Variants in EPB41L3 observed in about 807,000 individuals in gnomAD.
EPB41L3 encodes the protein band 4.1-like protein 3.
EPB41L3 carries 57 observed loss-of-function variants against 127.1 expected under a neutral mutation model. The ratio of observed to expected loss-of-function variants is 0.45; its 90% CI spans 0.36 to 0.56. EPB41L3 has a LOEUF of 0.56. Among genes scored for constraint, EPB41L3 ranks in the 20% least tolerant of loss-of-function variants. The pLI, the probability that EPB41L3 is intolerant of heterozygous loss-of-function variation, is 0.00. For synonymous variants in EPB41L3, 572 were observed against 549.5 expected (o/e 1.04, Z -0.57); for missense variants, 1,273 against 1,372.2 (o/e 0.93, Z 1.14).
intron 3 of EPB41L3, among the ~76,000 whole-genome samples, chr18:5,596,026 T>C (rs1372552835): frequency 1.3e-5 from 2 of 152,320 alleles, no homozygotes; most frequent in Middle Eastern, 3.4e-3. Flanking sequence ...TAAATTTATT[T>C]GTGTTTAAAC....
chr18:5,581,094 A>G (rs1394296151), intron 3 of EPB41L3, among the ~76,000 whole-genome samples: 1 of 152,224 alleles, frequency 6.6e-6, no homozygotes, highest in Non-Finnish European at 1.5e-5. Flanking sequence ...AGATTTTTCT[A>G]ATTTTCAAAA....
chr18:5,559,832 A>T (rs2094098208), intron 3 of EPB41L3, among the ~76,000 whole-genome samples: 1 of 152,246 alleles, frequency 6.6e-6, no homozygotes, highest in South Asian at 2.1e-4. Flanking sequence ...AATCTTTTTC[A>T]TCTACCACAT....
intron 1 of EPB41L3, among the ~76,000 whole-genome samples, chr18:5,525,305 G>T (rs2093177682): frequency 6.6e-6 from 1 of 152,162 alleles, no homozygotes; most frequent in Non-Finnish European, 1.5e-5. Flanking sequence ...CCCTAGGAAA[G>T]CGCTCACAGA....
intron 6 of EPB41L3, 76 bp downstream of exon 6, chr18:5,437,959 C>A: frequency 1.6e-6 from 2 of 1,257,268 alleles, no homozygotes; most frequent in Non-Finnish European, 2.2e-6. Flanking sequence ...GATGTAAGCA[C>A]GCTCTTTCCG....
rs541512702 is a variant in EPB41L3, at chr18:5,562,262, A to G, written c.-306+50078T>C. On this transcript the variant is annotated intron_variant, in intron 3 of 21. Transcript: ENST00000545076. ...TATATAGGAACTCTGTGCTGAGTTT[A>G]TAACTCCTCTGTATGTCTAAAACTA... 4.3e-4 allele frequency among the ~76,000 whole-genome samples: 66 copies of G among 152,346 alleles called. No individual in the cohort carries two copies. The South Asian group carries it at 0.013, about 29-fold the overall frequency.
At position 5,543,319 on chromosome 18, in the gene EPB41L3, G is replaced by A. The variant is rs975173675; in HGVS notation, c.-12+594C>T. The A allele has an allele frequency of 5.3e-5, 8 of 149,868 alleles. No individual in the cohort carries two copies. In the South Asian group the frequency reaches 1.7e-3, roughly 31 times the overall value. The allele number at this position is 149,868 out of a possible 1,614,324, so 9.3% of individuals were successfully genotyped here. On this transcript the variant is annotated intron_variant, in intron 1 of 22. Transcript: ENST00000341928. This position sits in a 1 kb window ranked among gnomAD's most constrained non-coding sequence, Gnocchi z 5.2. ...TGCTTTGTGCGGAGCGCACCTTATC[G>A]GCCCCGCGCTGCGCCCGCCCGCGCC...
chr18:5,630,610 G>T, upstream of EPB41L3: 2 of 471,702 alleles, frequency 4.2e-6, no homozygotes, highest in Non-Finnish European at 4.2e-6. Context: ...TCCTCCCGCA[G>T]CTGCGGTGGC....
chr18:5,576,643 G>A lies in EPB41L3; in HGVS notation c.-306+35697C>T, dbSNP rs371189138. On this transcript the variant is annotated intron_variant, in intron 3 of 21. Transcript: ENST00000545076. ...GGCAAACCCACTAAGAGACCCATAC[G>A]TAAGACTCTGAAGCCTTAAATAGGT... 2.6e-5 allele frequency among the ~76,000 whole-genome samples: 4 copies of A among 152,164 alleles called. No individual in the cohort carries two copies. The East Asian group carries it at 5.8e-4, about 22-fold the overall frequency.
chr18:5,412,697 A>G (rs2076343048), intron 13 of EPB41L3, among the ~76,000 whole-genome samples: 1 of 152,112 alleles, frequency 6.6e-6, no homozygotes, highest in Non-Finnish European at 1.5e-5. Context: ...GGAAAGGTTT[A>G]ACGTCAGATG....
intron 1 of EPB41L3, among the ~76,000 whole-genome samples, chr18:5,627,408 G>C (rs1393673831): frequency 2.6e-5 from 4 of 152,160 alleles, no homozygotes; most frequent in Admixed American, 1.3e-4. Context: ...TATTCAACCA[G>C]AGACTGTTAT....
chr18:5,506,810 T>C (rs2092239470), intron 1 of EPB41L3, among the ~76,000 whole-genome samples: 1 of 152,156 alleles, frequency 6.6e-6, no homozygotes, highest in South Asian at 2.1e-4. Context: ...CAGGTCCTCA[T>C]TAGATTATGT....
chr18:5,396,324 C>T lies in EPB41L3; in HGVS notation c.2850G>A (p.Thr950=), dbSNP rs779573005. 5.0e-6 allele frequency: 8 copies of T among 1,613,948 alleles called. No individual in the cohort carries two copies. Among genetic ancestry groups the T allele is most frequent in the Admixed American group, 3.3e-5 (2 of 59,990 alleles). ...LEQKPHFESS[T]VKTETISFGS... ...CAAAACTGATGGTTTCCGTCTTCACCGTTGAGGACTGTGCCAAAGGGGAGT... is the reference window on the plus strand; with the variant it reads ...CAAAACTGATGGTTTCCGTCTTCACTGTTGAGGACTGTGCCAAAGGGGAGT... The change falls in exon 19 of 23, where the codon ACG becomes ACA. Residue 950 remains threonine, a synonymous_variant. Transcript: ENST00000341928.
intron 3 of EPB41L3, among the ~76,000 whole-genome samples, chr18:5,580,621 T>C (rs528932822): frequency 4.6e-5 from 7 of 151,492 alleles, no homozygotes; most frequent in South Asian, 2.1e-4. Context: ...CATACACACA[T>C]ATATATATAG....
intron 3 of EPB41L3, among the ~76,000 whole-genome samples, chr18:5,598,972 C>T (rs1030746909): frequency 6.6e-6 from 1 of 152,112 alleles, no homozygotes; most frequent in Non-Finnish European, 1.5e-5. Context: ...CAGTGATTAA[C>T]TGGAGAAGGA....
intron 1 of EPB41L3, chr18:5,508,224 G>C (rs551971222): frequency 6.6e-6 from 1 of 152,040 alleles, no homozygotes; most frequent in Non-Finnish European, 1.5e-5. Flanking sequence ...GCTTCTAAAC[G>C]GCATGATAAA....
At chr18:5,584,075 T>G (rs1264047532) in intron 3 of EPB41L3, among the ~76,000 whole-genome samples, 1 of 152,212 alleles carries the variant, frequency 6.6e-6, no homozygotes, top group Non-Finnish European at 1.5e-5. Context: ...GTGCTAGGAT[T>G]ACAGGTGTGA....
chr18:5,601,547 C>T (rs1277190777), intron 3 of EPB41L3, among the ~76,000 whole-genome samples: 2 of 152,098 alleles, frequency 1.3e-5, no homozygotes, highest in Non-Finnish European at 2.9e-5. Context: ...AAATCTTGGG[C>T]CAGGCAAGAC....
intron 12 of EPB41L3, 74 bp downstream of exon 12, chr18:5,419,637 G>A: frequency 6.3e-7 from 1 of 1,587,596 alleles, no homozygotes; most frequent in South Asian, 1.1e-5. Context: ...CACATTCCTG[G>A]TTTACAGCCT....
At chr18:5,616,806 G>GAT (rs2094800202) in intron 1 of EPB41L3, among the ~76,000 whole-genome samples, 2 of 152,102 alleles carry the variant, frequency 1.3e-5, no homozygotes, top group Non-Finnish European at 2.9e-5. Flanking sequence ...TCATGTGGTT[G>GAT]GTTGATAGCT....
Sources: allele counts gnomAD v4.1 joint callset (sites outside exome capture counted in the v4.1 genomes callset), GRCh38; gene constraint gnomAD v4.1.1; non-coding constraint Gnocchi (gnomAD v3.1); transcripts MANE v1.5; gene names NCBI Gene and HGNC (gene_info 2026-07-23, HGNC 2026-07-21).